Variants in MEMO1 observed in about 807,000 individuals in gnomAD.
The protein encoded by MEMO1 is mediator of cell motility 1.
MEMO1 carries 6 observed loss-of-function variants against 45.2 expected under a neutral mutation model. The ratio of observed to expected loss-of-function variants is 0.13; its 90% CI spans 0.07 to 0.26. The LOEUF (loss-of-function observed/expected upper bound fraction) is 0.26, where lower values mean the gene tolerates loss of function less well. Among genes scored for constraint, MEMO1 ranks in the 10% least tolerant of loss-of-function variants. MEMO1 has a pLI of 1.00. For synonymous variants in MEMO1, 78 were observed against 124.3 expected (o/e 0.63, Z 2.48); for missense variants, 184 against 370.5 (o/e 0.50, Z 4.13).
At chr2:31,986,270 G>GGGCCTGTAGTCCC (rs1233043382) in intron 2 of MEMO1, among the ~76,000 whole-genome samples, 1 of 151,944 alleles carries the variant, frequency 6.6e-6, no homozygotes, top group African/African-American at 2.4e-5. Flanking sequence ...GTGGTGGCAG[G>GGGCCTGTAGTCCC]GGCCTGTAGT....
At chr2:31,962,717 C>T (rs1159118742) in intron 2 of MEMO1, among the ~76,000 whole-genome samples, 1 of 152,110 alleles carries the variant, frequency 6.6e-6, no homozygotes, top group African/African-American at 2.4e-5. Context: ...CATCAAAGGG[C>T]ATTCATTGAC....
chr2:32,002,294 TATAC>T (rs1359439801), intron 2 of MEMO1, among the ~76,000 whole-genome samples: 1 of 147,880 alleles, frequency 6.8e-6, no homozygotes, highest in African/African-American at 2.5e-5. Context: ...CATATATACA[TATAC>T]ATATACATAT....
chr2:31,965,800 AAC>A (rs1041906566), intron 2 of MEMO1, among the ~76,000 whole-genome samples: 4 of 152,062 alleles, frequency 2.6e-5, no homozygotes, highest in African/African-American at 9.7e-5. Context: ...GAGGGGAACA[AAC>A]ACACTGTGGC....
At chr2:31,978,384 T>A (rs1670253070) in intron 2 of MEMO1, among the ~76,000 whole-genome samples, 1 of 151,978 alleles carries the variant, frequency 6.6e-6, no homozygotes, top group South Asian at 2.1e-4. Flanking sequence ...CAAGACTCTG[T>A]CTCAAAAAAA....
chr2:31,963,699 G>C (rs1047810398), intron 2 of MEMO1, among the ~76,000 whole-genome samples: 2 of 152,086 alleles, frequency 1.3e-5, no homozygotes, highest in African/African-American at 4.8e-5. Context: ...TAAAAACAAT[G>C]TTCATGAATG....
chr2:31,909,526 A>T (rs1175736574), intron 6 of MEMO1, among the ~76,000 whole-genome samples: 3 of 152,162 alleles, frequency 2.0e-5, no homozygotes, highest in Non-Finnish European at 4.4e-5. Context: ...CAAAAACAAA[A>T]CAAAATACCT....
chr2:31,879,661 C>A (rs978846180), intron 8 of MEMO1, among the ~76,000 whole-genome samples: 10 of 152,126 alleles, frequency 6.6e-5, no homozygotes, highest in Admixed American at 5.9e-4. Flanking sequence ...CTGGCAGTAT[C>A]ATTTTATAAT....
chr2:31,969,542 T>C (rs994610179), intron 2 of MEMO1, among the ~76,000 whole-genome samples: 2 of 151,866 alleles, frequency 1.3e-5, no homozygotes, highest in Non-Finnish European at 1.5e-5. Flanking sequence ...TTCAGCTTTA[T>C]ATTTATCTAT....
intron 2 of MEMO1, among the ~76,000 whole-genome samples, chr2:31,987,250 C>A (rs1671374776): frequency 6.6e-6 from 1 of 152,154 alleles, no homozygotes; most frequent in South Asian, 2.1e-4. Context: ...CCTCCCACCT[C>A]AGCCCCCCAC....
At chr2:31,891,965 C>G in intron 7 of MEMO1, 27 bp downstream of exon 7, 1 of 1,594,270 alleles carries the variant, frequency 6.3e-7, no homozygotes, top group Non-Finnish European at 8.6e-7. Context: ...TAACATCTAC[C>G]ATGATATGTT....
rs1264986050 is a variant in MEMO1, at chr2:31,941,219, C to A, written c.143+2083G>T. Among the ~76,000 whole-genome samples, 4 of 152,148 alleles carry A rather than the reference C, an allele frequency of 2.6e-5. No homozygotes were observed. In the East Asian group the frequency reaches 7.7e-4, roughly 29 times the overall value. ...CCCTTGTACTGCCACTCCAGCTGCACTGGCCTCCTTGCTTCTCCTCAAACA... is the reference window on the plus strand; with the variant it reads ...CCCTTGTACTGCCACTCCAGCTGCAATGGCCTCCTTGCTTCTCCTCAAACA... On this transcript the variant is annotated intron_variant, in intron 3 of 9. Transcript: ENST00000404530.
At chr2:31,969,459 T>TATGTGTATAATGTGTATAATGTATA (rs1669050841) in intron 2 of MEMO1, among the ~76,000 whole-genome samples, 1 of 151,574 alleles carries the variant, frequency 6.6e-6, no homozygotes, top group Non-Finnish European at 1.5e-5. Context: ...ATATCACACA[T>TATGTGTATAATGTGTATAATGTATA]ATGTGTATAA....
chr2:31,986,337 T>C (rs1012411150), intron 2 of MEMO1, among the ~76,000 whole-genome samples: 7 of 152,054 alleles, frequency 4.6e-5, no homozygotes, highest in African/African-American at 1.7e-4. Context: ...CCAGGCGTGG[T>C]GGCGGGGGCT....
At chr2:32,004,480 T>C (rs1019540357) in intron 2 of MEMO1, among the ~76,000 whole-genome samples, 1 of 152,110 alleles carries the variant, frequency 6.6e-6, no homozygotes, top group Non-Finnish European at 1.5e-5. Context: ...ACAATATCAC[T>C]ACACACCCTT....
chr2:31,965,530 G>C (rs1350691442), intron 2 of MEMO1, among the ~76,000 whole-genome samples: 5 of 151,992 alleles, frequency 3.3e-5, no homozygotes, highest in Non-Finnish European at 7.4e-5. Context: ...TTATAAATGA[G>C]AACAAAGTAA....
At chr2:32,002,554 C>G (rs1572953222) in intron 2 of MEMO1, among the ~76,000 whole-genome samples, 1 of 151,952 alleles carries the variant, frequency 6.6e-6, no homozygotes, top group South Asian at 2.1e-4. Flanking sequence ...GCCCCTAATA[C>G]CAAACTCTAA....
At chr2:32,004,925 T>TAA (rs1264458750) in intron 2 of MEMO1, among the ~76,000 whole-genome samples, 1 of 140,870 alleles carries the variant, frequency 7.1e-6, no homozygotes, top group Admixed American at 7.1e-5. Flanking sequence ...AGACCCCGTT[T>TAA]CAAAAAAAAA....
intron 7 of MEMO1, among the ~76,000 whole-genome samples, chr2:31,887,792 T>G (rs1200388539): frequency 2.0e-5 from 3 of 152,118 alleles, no homozygotes; most frequent in Admixed American, 2.0e-4. Context: ...AGGTACATTT[T>G]AAGAATTAGC....
At chr2:32,006,964 CA>C (rs67557055) in intron 2 of MEMO1, among the ~76,000 whole-genome samples, 18,205 of 76,420 alleles carry the variant, frequency 0.24, 601 homozygotes, top group East Asian at 0.38. Flanking sequence ...GATTCCATCT[CA>C]AAAAAAAAAA....
Sources: gnomAD v4.1 joint callset for allele counts (sites outside exome capture counted in the v4.1 genomes callset) on GRCh38, gnomAD v4.1.1 for gene constraint, MANE v1.5 for transcripts, NCBI Gene and HGNC (gene_info 2026-07-23, HGNC 2026-07-21) for gene names.